MAGI2: variants seen among roughly 807,000 people sequenced by gnomAD.
The protein encoded by MAGI2 is membrane associated guanylate kinase, WW and PDZ domain containing 2, also known as membrane-associated guanylate kinase, WW and PDZ domain-containing protein 2.
MAGI2 carries 35 observed loss-of-function variants against 133.3 expected under a neutral mutation model. The observed-to-expected ratio is 0.26, with a 90% CI of 0.20 to 0.35. MAGI2 has a LOEUF of 0.35. MAGI2 is among the 10% of genes least tolerant of loss of function. The pLI, the probability that MAGI2 is intolerant of heterozygous loss-of-function variation, is 1.00. For synonymous variants in MAGI2, 729 were observed against 710.6 expected, an observed-to-expected ratio of 1.03 and a Z score of -0.41; for missense variants, 1,636 against 1,863.4, an observed-to-expected ratio of 0.88 and a Z score of 2.25.
intron 20 of MAGI2, among the ~76,000 whole-genome samples, chr7:78,107,627 G>T (rs1818830564): frequency 1.3e-5 from 2 of 151,380 alleles, no homozygotes; most frequent in Non-Finnish European, 3.0e-5. Context: ...TTACTTTCTT[G>T]GTTTCTTTTT....
At chr7:78,815,091 T>G (rs1051827465) in intron 2 of MAGI2, among the ~76,000 whole-genome samples, 8 of 152,150 alleles carry the variant, frequency 5.3e-5, no homozygotes, top group African/African-American at 1.9e-4. Context: ...GTCCCAATGA[T>G]CAGATATTCA....
intron 6 of MAGI2, among the ~76,000 whole-genome samples, chr7:78,407,852 G>C (rs1860536): frequency 0.69 from 104,809 of 151,744 alleles, 37,071 homozygotes; most frequent in African/African-American, 0.81. Flanking sequence ...CTTCAGGGCT[G>C]GTTTTCCTCT....
At chr7:79,037,284 C>CTT (rs1256205821) in intron 1 of MAGI2, among the ~76,000 whole-genome samples, 1 of 152,144 alleles carries the variant, frequency 6.6e-6, no homozygotes, top group East Asian at 1.9e-4. Context: ...TAGAAGTTCT[C>CTT]TTTATTTCAG....
chr7:78,287,306 G>C (rs533103820), intron 9 of MAGI2, among the ~76,000 whole-genome samples: 11 of 152,292 alleles, frequency 7.2e-5, no homozygotes, highest in African/African-American at 2.6e-4. Flanking sequence ...TTGAGAGCTA[G>C]TGTTAAGGTT....
intron 1 of MAGI2, among the ~76,000 whole-genome samples, chr7:79,396,199 A>G (rs961956054): frequency 6.6e-6 from 1 of 152,040 alleles, no homozygotes; most frequent in African/African-American, 2.4e-5. Flanking sequence ...AGGTCCAGCC[A>G]TAGGACTTGT....
At chr7:79,305,798 A>G (rs953972716) in intron 1 of MAGI2, among the ~76,000 whole-genome samples, 2 of 152,050 alleles carry the variant, frequency 1.3e-5, no homozygotes, top group Admixed American at 6.6e-5. Flanking sequence ...GCACATGCCT[A>G]TAGTCCCAGC....
chr7:79,420,583 G>A (rs1846885504), intron 1 of MAGI2, among the ~76,000 whole-genome samples: 1 of 151,832 alleles, frequency 6.6e-6, no homozygotes, highest in South Asian at 2.1e-4. Context: ...TAAACATGTG[G>A]TTTCTCTAGG....
At chr7:78,286,719 G>T (rs944997798) in intron 9 of MAGI2, among the ~76,000 whole-genome samples, 1 of 152,156 alleles carries the variant, frequency 6.6e-6, no homozygotes, top group East Asian at 1.9e-4. Flanking sequence ...GAGGGAAGCT[G>T]CAGCTCAAAG....
At chr7:79,119,806 A>T (rs1351447557) in intron 1 of MAGI2, among the ~76,000 whole-genome samples, 1 of 152,048 alleles carries the variant, frequency 6.6e-6, no homozygotes, top group Non-Finnish European at 1.5e-5. Flanking sequence ...TGTTATTTAT[A>T]ATGTATTATG....
At chr7:79,069,731 A>T (rs1249715387) in intron 1 of MAGI2, among the ~76,000 whole-genome samples, 4 of 152,156 alleles carry the variant, frequency 2.6e-5, no homozygotes, top group African/African-American at 9.7e-5. Context: ...ATGTTTTTGC[A>T]GTGGCTGCTA....
At chr7:78,229,029 G>A (rs924393195) in intron 10 of MAGI2, among the ~76,000 whole-genome samples, 60 of 152,366 alleles carry the variant, frequency 3.9e-4, no homozygotes, top group African/African-American at 1.4e-3. Flanking sequence ...CAAATCAATT[G>A]AGGCTGGAAT....
At position 79,319,200 on chromosome 7, in the gene MAGI2, C is replaced by A. The variant is rs183204400; in HGVS notation, c.301+133820G>T. On this transcript the variant is annotated intron_variant, in intron 1 of 21. Coordinates refer to ENST00000354212, the MANE Select transcript of MAGI2 (RefSeq NM_012301.4). ...ACAGGTAAGTTTGGGATGTTTGCCA[C>A]CATTTTTCCTTCATACACATCCAGA... Among the ~76,000 whole-genome samples, 13 of 152,208 alleles carry A rather than the reference C, an allele frequency of 8.5e-5. No individual in the cohort carries two copies. The East Asian group carries it at 1.9e-3, about 23-fold the overall frequency.
At chr7:78,862,315 G>A (rs1794214085) in intron 2 of MAGI2, among the ~76,000 whole-genome samples, 1 of 152,060 alleles carries the variant, frequency 6.6e-6, no homozygotes, top group Non-Finnish European at 1.5e-5. Flanking sequence ...TGGACTTTAG[G>A]TCTCCTGGTC....
At chr7:78,691,039 C>A (rs1340822831) in intron 2 of MAGI2, among the ~76,000 whole-genome samples, 3 of 152,108 alleles carry the variant, frequency 2.0e-5, no homozygotes, top group African/African-American at 7.2e-5. Context: ...AATTCATGAG[C>A]TCATATTCTA....
chr7:78,875,139 A>G (rs1220457794), intron 2 of MAGI2, among the ~76,000 whole-genome samples: 14 of 152,178 alleles, frequency 9.2e-5, no homozygotes, highest in Admixed American at 9.2e-4. Flanking sequence ...CTGTTCAACA[A>G]GTGACAGATG....
intron 2 of MAGI2, among the ~76,000 whole-genome samples, chr7:78,829,203 T>A (rs1790920517): frequency 1.3e-5 from 2 of 152,134 alleles, no homozygotes; most frequent in African/African-American, 4.8e-5. Context: ...TGAATATAAA[T>A]TTTTATTAGT....
At chr7:78,748,121 G>T (rs980284100) in intron 2 of MAGI2, among the ~76,000 whole-genome samples, 1 of 150,628 alleles carries the variant, frequency 6.6e-6, no homozygotes, top group Non-Finnish European at 1.5e-5. Flanking sequence ...GTAAGCCCAG[G>T]TTTGATTACT....
At chr7:78,902,362 A>C (rs1797673755) in intron 2 of MAGI2, 1 of 152,180 alleles carries the variant, frequency 6.6e-6, no homozygotes, top group African/African-American at 2.4e-5. Context: ...ACAGTCTATC[A>C]CTTGGATTTT....
chr7:78,764,529 T>C (rs1824817965), intron 2 of MAGI2, among the ~76,000 whole-genome samples: 1 of 152,202 alleles, frequency 6.6e-6, no homozygotes, highest in South Asian at 2.1e-4. Context: ...CTAAGTCCCA[T>C]TGACCATTTA....
Sources: gnomAD v4.1 joint callset for allele counts (sites outside exome capture counted in the v4.1 genomes callset) on GRCh38, gnomAD v4.1.1 for gene constraint, MANE v1.5 for transcripts, NCBI Gene and HGNC (gene_info 2026-07-23, HGNC 2026-07-21) for gene names.